The following NFIX variants were observed in gnomAD, a reference collection of about 807,000 sequenced individuals.
NFIX encodes the protein nuclear factor 1 X-type.
NFIX carries 2 observed loss-of-function variants against 53.3 expected under a neutral mutation model. The ratio of observed to expected loss-of-function variants is 0.04; its 90% CI spans 0.02 to 0.12. The LOEUF (loss-of-function observed/expected upper bound fraction) is 0.12, where lower values mean the gene tolerates loss of function less well. Among genes scored for constraint, NFIX ranks in the 10% least tolerant of loss-of-function variants. The probability of loss-of-function intolerance (pLI) is 1.00; values close to 1 mark genes in which losing one functional copy is unlikely to be tolerated. For missense variants in NFIX, 310 were observed against 674.5 expected (o/e 0.46, Z 5.99); for synonymous variants, 244 against 289.0 (o/e 0.84, Z 1.58).
chr19:13,048,824 A>ATTTTGG (rs2015150951), intron 2 of NFIX, among the ~76,000 whole-genome samples: 3 of 152,128 alleles, frequency 2.0e-5, no homozygotes, highest in Non-Finnish European at 2.9e-5. Context: ...TATAATCCCA[A>ATTTTGG]CATTTTGGGA....
In NFIX at chr19:13,006,842, G is replaced by A. The variant is rs2012042104; in HGVS notation, c.27+10978G>A. Among the ~76,000 whole-genome samples the A allele has an allele frequency of 6.6e-6, 1 of 152,186 alleles. No individual in the cohort carries two copies. Among genetic ancestry groups the A allele is most frequent in the Non-Finnish European group, 1.5e-5 (1 of 68,024 alleles). ...GGCTGGCAACCACCGTGCCCAGCCTGGTGGCATTTGGTTTGGCGCCCTGCC... is the reference window on the plus strand; with the variant it reads ...GGCTGGCAACCACCGTGCCCAGCCTAGTGGCATTTGGTTTGGCGCCCTGCC... On this transcript the variant is annotated intron_variant, in intron 1 of 10. Coordinates refer to ENST00000592199, the MANE Select transcript of NFIX (RefSeq NM_001365902.3). This position sits in a 1 kb window ranked among gnomAD's most constrained non-coding sequence, Gnocchi z 5.6.
In NFIX at chr19:13,001,991, C is replaced by G. The variant is rs746202679; in HGVS notation, c.27+6127C>G. Among the ~76,000 whole-genome samples the G allele has an allele frequency of 6.6e-6, 1 of 152,154 alleles. No individual in the cohort carries two copies. The highest frequency in any genetic ancestry group is 2.4e-5 in the African/African-American group (1 of 41,446). On this transcript the variant is annotated intron_variant, in intron 1 of 10. Transcript: ENST00000592199. This position sits in a 1 kb window ranked among gnomAD's most constrained non-coding sequence, Gnocchi z 6.5. ...GCCCACAGGCCTCCCTCTGTCTGCC[C>G]GGCGCACATTGATCTTGGCTTCTGC...
Position 13,001,209 on chromosome 19 carries a change from G to A in NFIX, c.27+5345G>A, listed in dbSNP as rs77624470. Among the ~76,000 whole-genome samples the A allele has an allele frequency of 2.9e-3, 442 of 152,310 alleles. No individual in the cohort carries two copies. Among genetic ancestry groups the A allele is most frequent in the Non-Finnish European group, 3.7e-3 (254 of 68,026 alleles). ...GCCACTATCTGGGTTCTCCCAGATCGGTGTGCATGTTAATCGGCATGTCAG... is the reference window on the plus strand; with the variant it reads ...GCCACTATCTGGGTTCTCCCAGATCAGTGTGCATGTTAATCGGCATGTCAG... On this transcript the variant is annotated intron_variant, in intron 1 of 10. Transcript: ENST00000592199. This position sits in a 1 kb window ranked among gnomAD's most constrained non-coding sequence, Gnocchi z 6.5.
rs1385122077 is a variant in NFIX at position 12,998,599 on chromosome 19, C to A, written c.27+2735C>A. Among the ~76,000 whole-genome samples, 1 of 151,904 alleles carries A rather than the reference C, an allele frequency of 6.6e-6. No individual in the cohort carries two copies. The highest frequency in any genetic ancestry group is 1.5e-5 in the Non-Finnish European group (1 of 67,966). ...GAGGGGTGGGGGGTGGATGGATGGA[C>A]CCCCATCCCCATCCCAACCCTGCCA... On this transcript the variant is annotated intron_variant, in intron 1 of 10. Coordinates refer to ENST00000592199, the MANE Select transcript of NFIX (RefSeq NM_001365902.3). This position sits in a 1 kb window ranked among gnomAD's most constrained non-coding sequence, Gnocchi z 4.4.
In NFIX at chr19:12,996,709, G is replaced by A. The variant is rs982526463; in HGVS notation, c.27+845G>A. Among the ~76,000 whole-genome samples the A allele has an allele frequency of 2.0e-5, 3 of 152,226 alleles. No individual in the cohort carries two copies. Among genetic ancestry groups the A allele is most frequent in the Non-Finnish European group, 4.4e-5 (3 of 68,022 alleles). On this transcript the variant is annotated intron_variant, in intron 1 of 10. Coordinates refer to ENST00000592199, the MANE Select transcript of NFIX (RefSeq NM_001365902.3). The surrounding 1 kb of genome is among the most constrained non-coding windows in gnomAD (Gnocchi z 5.2). The stretch of plus-strand genomic sequence containing the variant: ...CGTCCCGTCGCCTGGAGGCGGGAGG[G>A]GCGGGAGGCAGCCGTGGACACAGCC...
intron 1 of NFIX, among the ~76,000 whole-genome samples, chr19:12,997,048 A>T (rs2011495072): frequency 6.6e-6 from 1 of 152,186 alleles, no homozygotes. Flanking sequence ...CCAGGCCTGC[A>T]TGTGGGGGTT....
intron 2 of NFIX, among the ~76,000 whole-genome samples, chr19:13,061,780 C>T (rs2016109494): frequency 6.6e-6 from 1 of 152,132 alleles, no homozygotes; most frequent in Non-Finnish European, 1.5e-5. Context: ...GTATATAAAA[C>T]TCAAAGTTAA....
chr19:13,087,537 C>T (rs2017849753), intron 8 of NFIX, among the ~76,000 whole-genome samples: 1 of 152,032 alleles, frequency 6.6e-6, no homozygotes, highest in Non-Finnish European at 1.5e-5. Flanking sequence ...GGTGAACCAG[C>T]TCAGCCCGAC....
intron 2 of NFIX, among the ~76,000 whole-genome samples, chr19:13,047,370 C>T (rs547996172): frequency 1.3e-5 from 2 of 152,142 alleles, no homozygotes; most frequent in South Asian, 2.1e-4. Flanking sequence ...ATTTCAAAAA[C>T]GTGGCCACAT....
rs780969041 is a variant in NFIX at position 13,040,562 on chromosome 19, C to T, written c.559+15010C>T. ...CCCTCTCCTCAGGAGCCCTGGCCTC[C>T]AGGCTCCTTGTATGGACAGACTCAT... On this transcript the variant is annotated intron_variant, in intron 2 of 10. Transcript: ENST00000592199. The surrounding 1 kb of genome is among the most constrained non-coding windows in gnomAD (Gnocchi z 4.2). Among the ~76,000 whole-genome samples, 1 of 152,194 alleles carries T rather than the reference C, an allele frequency of 6.6e-6. No homozygotes were observed. Among genetic ancestry groups the T allele is most frequent in the African/African-American group, 2.4e-5 (1 of 41,452 alleles).
At position 13,089,566 on chromosome 19, in the gene NFIX, G is replaced by C. The variant is rs1040638830; in HGVS notation, c.1403-733G>C. Reference sequence around the variant, plus strand: ...GTTGGACCTGGTGCATCAGTCAGAGGAGGAGAATGCCATAGGCCTGAGCCT... The same window carrying C: ...GTTGGACCTGGTGCATCAGTCAGAGCAGGAGAATGCCATAGGCCTGAGCCT... On this transcript the variant is annotated intron_variant, in intron 9 of 10. Transcript: ENST00000592199. The surrounding 1 kb of genome is among the most constrained non-coding windows in gnomAD (Gnocchi z 4.8). Among the ~76,000 whole-genome samples, 1 of 152,216 alleles carries C rather than the reference G, an allele frequency of 6.6e-6. No homozygotes were observed. Among genetic ancestry groups the C allele is most frequent in the Non-Finnish European group, 1.5e-5 (1 of 68,026 alleles).
chr19:13,072,829 G>T lies in NFIX; in HGVS notation c.560-218G>T, dbSNP rs2016846083. Reference sequence around the variant, plus strand: ...GCAATCCAGGCCAAATGTCAGCAGTGCTGAGGCTGAGAAACCTGCACTGGG... The same window carrying T: ...GCAATCCAGGCCAAATGTCAGCAGTTCTGAGGCTGAGAAACCTGCACTGGG... On this transcript the variant is annotated intron_variant, in intron 2 of 10. Transcript: ENST00000592199. The surrounding 1 kb of genome is among the most constrained non-coding windows in gnomAD (Gnocchi z 4.0). 6.6e-6 allele frequency among the ~76,000 whole-genome samples: 1 copy of T among 152,222 alleles called. No individual in the cohort carries two copies. Among genetic ancestry groups the T allele is most frequent in the Admixed American group, 6.5e-5 (1 of 15,282 alleles).
chr19:13,016,801 G>C lies in NFIX; in HGVS notation c.28-8220G>C, dbSNP rs186954965. On this transcript the variant is annotated intron_variant, in intron 1 of 10. Transcript: ENST00000592199. ...CAGAACTGCTCAGGCCAGCAATGAG[G>C]GGGAGGACGCTCGGCAGCCCTTGCC... Among the ~76,000 whole-genome samples, 68 of 152,184 alleles carry C rather than the reference G, an allele frequency of 4.5e-4. No homozygotes were observed. In the East Asian group the frequency reaches 0.013, roughly 28 times the overall value.
intron 1 of NFIX, among the ~76,000 whole-genome samples, chr19:13,003,974 T>G (rs187609585): frequency 1.3e-5 from 2 of 152,206 alleles, no homozygotes; most frequent in Admixed American, 1.3e-4. Context: ...GAAGTCTGGC[T>G]TTGTTGCCCA....
At chr19:13,087,299 T>G (rs2017837170) in intron 8 of NFIX, among the ~76,000 whole-genome samples, 1 of 152,140 alleles carries the variant, frequency 6.6e-6, no homozygotes, top group African/African-American at 2.4e-5. Context: ...ATCCATGGCG[T>G]CTGAGGGCGT....
rs780095185 is a variant in NFIX, at chr19:13,024,982, C to G, written c.28-39C>G. The G allele has an allele frequency of 8.3e-6, 13 of 1,558,238 alleles. No individual in the cohort carries two copies. The South Asian group carries it at 1.5e-4, about 18-fold the overall frequency. On this transcript the variant is annotated intron_variant, in intron 1 of 10. Coordinates refer to ENST00000592199, the MANE Select transcript of NFIX (RefSeq NM_001365902.3). ...TCATCCCGTCTTCCCCTCCTCCCGT[C>G]CTCCCTCGCCCCGCATGCTCCCGGC...
At chr19:13,082,386 TA>T (rs911569338) in intron 8 of NFIX, 6 of 152,320 alleles carry the variant, frequency 3.9e-5, no homozygotes, top group African/African-American at 9.7e-5. Context: ...GTCTTGATAA[TA>T]AAAAAAAGTC....
Position 13,097,963 on chromosome 19 carries a change from A to ACGCACACGGCCC in NFIX, c.*3322_*3333dup, listed in dbSNP as rs1317590662. ...CCCAGGCCCGCGCCCGCACGCACGCACGCACACGGCCCCGCACACAGCCCC... is the reference window on the plus strand; with the variant it reads ...CCCAGGCCCGCGCCCGCACGCACGCACGCACACGGCCCCGCACACGGCCCCGCACACAGCCCC... On this transcript the variant is annotated 3_prime_UTR_variant, in exon 11 of 11. Transcript: ENST00000592199. 6.5e-6 allele frequency: 1 copy of ACGCACACGGCCC among 154,274 alleles called. No individual in the cohort carries two copies. The highest frequency in any genetic ancestry group is 1.4e-5 in the Non-Finnish European group (1 of 69,848). The allele number at this position is 154,274 out of a possible 1,614,324, so 9.6% of individuals were successfully genotyped here.
In NFIX at chr19:13,094,225, C is replaced by T. The variant is rs575787828; in HGVS notation, c.1495-410C>T. Among the ~76,000 whole-genome samples, 1 of 152,308 alleles carries T rather than the reference C, an allele frequency of 6.6e-6. No individual in the cohort carries two copies. Among genetic ancestry groups the T allele is most frequent in the South Asian group, 2.1e-4 (1 of 4,828 alleles). On this transcript the variant is annotated intron_variant, in intron 10 of 10. Transcript: ENST00000592199. This position sits in a 1 kb window ranked among gnomAD's most constrained non-coding sequence, Gnocchi z 4.3. ...GAAAACTCAGCAAGAAGCTGGGCCA[C>T]CCCCAACCCATTCCTAAAACCCCTC...
Sources: allele counts gnomAD v4.1 joint callset (sites outside exome capture counted in the v4.1 genomes callset), GRCh38; gene constraint gnomAD v4.1.1; non-coding constraint Gnocchi (gnomAD v3.1); transcripts MANE v1.5; gene names NCBI Gene and HGNC (gene_info 2026-07-23, HGNC 2026-07-21).